Variants in DYM observed in about 807,000 individuals in gnomAD.
DYM encodes the protein dyggve-Melchior-Clausen syndrome protein.
Under a neutral mutation model 93.1 loss-of-function variants are expected in DYM, and 78 were observed. The observed-to-expected ratio is 0.84, with a 90% confidence interval of 0.70 to 1.01. DYM has a LOEUF of 1.01. Among genes scored for constraint, DYM ranks in the 50% least tolerant of loss-of-function variants. The pLI is 0.00. For missense variants in DYM, 789 were observed against 845.0 expected (o/e 0.93, Z 0.82); for synonymous variants, 321 against 319.7 (o/e 1.00, Z -0.04).
intron 1 of DYM, among the ~76,000 whole-genome samples, chr18:49,446,516 C>T (rs1414185578): frequency 6.6e-6 from 1 of 152,084 alleles, no homozygotes; most frequent in South Asian, 2.1e-4. Context: ...AGAACAAGTA[C>T]AGGGTTGAAA....
chr18:49,038,275 T>C lies in DYM; in HGVS notation c.*5780A>G, dbSNP rs1222569562. Among the ~76,000 whole-genome samples the C allele has an allele frequency of 6.6e-6, 1 of 152,260 alleles. No homozygotes were observed. Among genetic ancestry groups the C allele is most frequent in the African/African-American group, 2.4e-5 (1 of 41,466 alleles). ...AACTTGATTTTTGTATGCTAGTTTT[T>C]CTACCAATTAACAAAATAGGCATGT... On this transcript the variant is annotated 3_prime_UTR_variant, in exon 18 of 18. Transcript: ENST00000675505.
intron 2 of DYM, among the ~76,000 whole-genome samples, chr18:49,413,300 G>A (rs12606941): frequency 0.091 from 13,892 of 152,092 alleles, 851 homozygotes; most frequent in East Asian, 0.31. Flanking sequence ...TCTCTCACAC[G>A]TGGGAATAAT....
At chr18:49,142,944 A>G (rs2084687348) in intron 15 of DYM, among the ~76,000 whole-genome samples, 1 of 152,224 alleles carries the variant, frequency 6.6e-6, no homozygotes. Flanking sequence ...CCCGTAATTA[A>G]ATCAGAAAGA....
At chr18:49,093,803 G>T (rs373370916) in intron 17 of DYM, among the ~76,000 whole-genome samples, 2 of 152,290 alleles carry the variant, frequency 1.3e-5, no homozygotes, top group South Asian at 2.1e-4. Flanking sequence ...AGATGCTTAG[G>T]GTGAGATAGG....
At chr18:49,241,289 C>A (rs2094001582) in intron 13 of DYM, among the ~76,000 whole-genome samples, 4 of 152,174 alleles carry the variant, frequency 2.6e-5, no homozygotes, top group Non-Finnish European at 5.9e-5. Context: ...TTATCAATGT[C>A]AGGTCTGCCA....
At chr18:49,148,286 T>C (rs1284482003) in intron 15 of DYM, among the ~76,000 whole-genome samples, 1 of 151,482 alleles carries the variant, frequency 6.6e-6, no homozygotes, top group Non-Finnish European at 1.5e-5. Context: ...GGCACATGTA[T>C]ACATATGTAA....
chr18:49,335,265 T>C (rs541572668), intron 6 of DYM, among the ~76,000 whole-genome samples: 15 of 152,318 alleles, frequency 9.8e-5, no homozygotes, highest in African/African-American at 3.6e-4. Flanking sequence ...GAACAATCTC[T>C]TTCCTGAAAT....
chr18:49,195,415 C>A (rs999363078), intron 14 of DYM, among the ~76,000 whole-genome samples: 5 of 152,168 alleles, frequency 3.3e-5, no homozygotes, highest in African/African-American at 7.2e-5. Flanking sequence ...ATTCAAAATT[C>A]TCTCTTCTAG....
intron 13 of DYM, among the ~76,000 whole-genome samples, chr18:49,218,156 G>C (rs1335807185): frequency 6.6e-6 from 1 of 152,140 alleles, no homozygotes; most frequent in Non-Finnish European, 1.5e-5. Flanking sequence ...AAGAGAGAAA[G>C]AAGGCCATTA....
intron 8 of DYM, among the ~76,000 whole-genome samples, chr18:49,305,468 C>G (rs2146259615): frequency 6.6e-6 from 1 of 152,288 alleles, no homozygotes; most frequent in African/African-American, 2.4e-5. Context: ...CTGACTCTTA[C>G]CTCTTTGTAA....
chr18:49,277,476 G>A (rs773543454), intron 10 of DYM, among the ~76,000 whole-genome samples: 4 of 152,152 alleles, frequency 2.6e-5, no homozygotes, highest in South Asian at 2.1e-4. Context: ...CGAACTGCAC[G>A]TTTGGGCCCC....
At chr18:49,232,603 CTTTTTTTTTTTTTT>C (rs777802663) in intron 13 of DYM, among the ~76,000 whole-genome samples, 1 of 94,372 alleles carries the variant, frequency 1.1e-5, no homozygotes, top group South Asian at 3.7e-4. Flanking sequence ...TGCCCGGCCT[CTTTTTTTTTTTTTT>C]TTTTTTTTTT....
chr18:49,256,352 T>C (rs1047664274), intron 13 of DYM, among the ~76,000 whole-genome samples: 24 of 152,024 alleles, frequency 1.6e-4, no homozygotes, highest in African/African-American at 5.8e-4. Context: ...AGTGATGAGG[T>C]ATGAGAAGGA....
chr18:49,158,969 T>C (rs895040355), intron 15 of DYM, among the ~76,000 whole-genome samples: 23 of 152,190 alleles, frequency 1.5e-4, no homozygotes, highest in African/African-American at 5.3e-4. Context: ...ATATTACTCA[T>C]TGTACGTGGG....
At chr18:49,335,802 C>T (rs932200525) in intron 6 of DYM, among the ~76,000 whole-genome samples, 9 of 147,412 alleles carry the variant, frequency 6.1e-5, no homozygotes, top group African/African-American at 2.2e-4. Context: ...CATTTGCAAA[C>T]GTTTTCTGTC....
At position 49,043,712 on chromosome 18, in the gene DYM, G is replaced by A; in HGVS notation, c.*343C>T. The A allele has an allele frequency of 3.0e-6, 1 of 337,956 alleles. No homozygotes were observed. Among genetic ancestry groups the A allele is most frequent in the East Asian group, 7.1e-5 (1 of 14,144 alleles). 20.9% of individuals were successfully genotyped at this position (337,956 alleles called of 1,614,324 possible). A position where few individuals can be genotyped will look rare whatever the true frequency, so the allele number is the denominator to read the frequency against. ...GCACTGTTGAATAGTGTGCACTGTT[G>A]GATAGTGTGCACTGTTGAAGTGTGA... On this transcript the variant is annotated 3_prime_UTR_variant, in exon 18 of 18. Transcript: ENST00000675505.
At chr18:49,288,243 G>C (rs764319133) in intron 8 of DYM, among the ~76,000 whole-genome samples, 31 of 151,986 alleles carry the variant, frequency 2.0e-4, no homozygotes, top group Admixed American at 5.2e-4. Flanking sequence ...GCAGTACTAT[G>C]GCTATATGGT....
intron 6 of DYM, among the ~76,000 whole-genome samples, chr18:49,354,268 C>T (rs924766315): frequency 4.6e-5 from 7 of 151,884 alleles, no homozygotes; most frequent in African/African-American, 9.7e-5. Context: ...AACTCTAAAA[C>T]GATAAAATAG....
intron 13 of DYM, among the ~76,000 whole-genome samples, chr18:49,213,353 A>G (rs1230438155): frequency 6.6e-6 from 1 of 150,798 alleles, no homozygotes; most frequent in African/African-American, 2.4e-5. Context: ...CTGGAGTGCA[A>G]TGGCATGATC....
Sources: gnomAD v4.1 joint callset for allele counts (sites outside exome capture counted in the v4.1 genomes callset) on GRCh38, gnomAD v4.1.1 for gene constraint, MANE v1.5 for transcripts, NCBI Gene and HGNC (gene_info 2026-07-23, HGNC 2026-07-21) for gene names.